Variants in TNNT2 observed in about 807,000 individuals in gnomAD.
The protein encoded by TNNT2 is troponin T2, cardiac type, also known as troponin T, cardiac muscle.
A neutral mutation model predicts 62.4 loss-of-function variants in TNNT2; 34 were observed. The ratio of observed to expected loss-of-function variants is 0.54; its 90% confidence interval spans 0.41 to 0.72. TNNT2 has a LOEUF of 0.72. Among genes scored for constraint, TNNT2 ranks in the 30% least tolerant of loss-of-function variants. TNNT2 has a pLI of 0.00. For synonymous variants in TNNT2, 123 were observed against 127.2 expected, an observed-to-expected ratio of 0.97 and a Z score of 0.22; for missense variants, 275 against 381.9, an observed-to-expected ratio of 0.72 and a Z score of 2.33.
chr1:201,368,302 G>T, intron 5 of TNNT2, 75 bp from the exon 6 acceptor site: 1 of 1,501,172 alleles, frequency 6.7e-7, no homozygotes, highest in Non-Finnish European at 9.2e-7. Flanking sequence ...AGCAGAGAAT[G>T]GGCAGCGGGG....
intron 6 of TNNT2, 49 bp from the exon 7 acceptor site, chr1:201,367,855 T>C (rs765805270): frequency 3.7e-6 from 6 of 1,606,070 alleles, no homozygotes; most frequent in East Asian, 2.2e-5. Flanking sequence ...TGAGCTCAAG[T>C]CCCCCCCTCC....
intron 7 of TNNT2, chr1:201,367,203 C>T: frequency 2.2e-6 from 1 of 463,696 alleles, no homozygotes. Context: ...GGAAAGGTCC[C>T]CAAGGGTCCT....
At chr1:201,369,680 G>A in intron 5 of TNNT2, 136 bp downstream of exon 5, 3 of 1,017,074 alleles carry the variant, frequency 2.9e-6, no homozygotes, top group Non-Finnish European at 4.7e-6. Context: ...GGGAGGCAGG[G>A]GAGGAAACGA....
At chr1:201,373,626 A>T in intron 1 of TNNT2, 1 of 353,382 alleles carries the variant, frequency 2.8e-6, no homozygotes, top group Non-Finnish European at 5.5e-6. Flanking sequence ...GCACTGTACA[A>T]ATCTTCACTG....
At position 201,361,767 on chromosome 1, in the gene TNNT2, C is replaced by A. The variant is rs1658691833; in HGVS notation, c.719+146G>T. ...AGGAGTTGGCCCGACCTGCTGGGGC[C>A]CAGCTCTGGTCCCACCAAACTTGCC... On this transcript the variant is annotated intron_variant, in intron 14 of 16. Coordinates refer to ENST00000656932, the MANE Select transcript of TNNT2 (RefSeq NM_001276345.2). The A allele has an allele frequency of 3.8e-6, 3 of 796,948 alleles. No individual in the cohort carries two copies. The Admixed American group carries it at 5.7e-5, about 15-fold the overall frequency. 49.4% of individuals were successfully genotyped at this position (796,948 alleles called of 1,614,324 possible). A position where few individuals can be genotyped will look rare whatever the true frequency, so the allele number is the denominator to read the frequency against.
rs749454768 is a variant in TNNT2 at position 201,359,258 on chromosome 1, G to A, written c.852-3C>T. On this transcript the variant is annotated splice_polypyrimidine_tract_variant and splice_region_variant and intron_variant, in intron 16 of 16. Transcript: ENST00000656932. Reference sequence around the variant, plus strand: ...TAGCCTTCCCGCGGGTCTTGGAGCTGCAGGGGAAGCAGGACGCAGTGACAT... The same window carrying A: ...TAGCCTTCCCGCGGGTCTTGGAGCTACAGGGGAAGCAGGACGCAGTGACAT... 1 of 1,610,542 alleles carries A rather than the reference G, an allele frequency of 6.2e-7. No homozygotes were observed. The highest frequency in any genetic ancestry group is 8.5e-7 in the Non-Finnish European group (1 of 1,178,928).
At chr1:201,371,632 A>T (rs1220220835) in intron 4 of TNNT2, among the ~76,000 whole-genome samples, 2 of 152,098 alleles carry the variant, frequency 1.3e-5, no homozygotes, top group African/African-American at 4.8e-5. Flanking sequence ...TGGAAGGTGG[A>T]GTATAGAGGA....
At chr1:201,363,782 C>T (rs532344590) in intron 11 of TNNT2, 16 of 324,512 alleles carry the variant, frequency 4.9e-5, no homozygotes, top group African/African-American at 2.1e-4. Context: ...TAAAATAACA[C>T]GTTCATAAGG....
In TNNT2 at chr1:201,365,618, C is replaced by A. The variant is rs1553282768; in HGVS notation, c.286G>T (p.Asp96Tyr). 1.2e-6 allele frequency: 2 copies of A among 1,614,046 alleles called. No homozygotes were observed. The highest frequency in any genetic ancestry group is 1.7e-6 in the Non-Finnish European group (2 of 1,179,974). Residue 96 changes from aspartate to tyrosine, a missense_variant, in exon 9 of 17, where the codon GAC becomes TAC. Asp to Tyr is a radical substitution (Grantham distance 160, BLOSUM62 -3). Transcript: ENST00000656932. ...PPKIPDGERV[D>Y]FDDIHRKRME... ...CCACAGCCACCGCTTACATCAAAGTCCACTCTCTCTCCATCGGGGATCTTG... is the reference window on the plus strand; with the variant it reads ...CCACAGCCACCGCTTACATCAAAGTACACTCTCTCTCCATCGGGGATCTTG...
chr1:201,364,166 G>A, intron 11 of TNNT2, 132 bp downstream of exon 11: 1 of 1,010,162 alleles, frequency 9.9e-7, no homozygotes, highest in African/African-American at 1.6e-5. Context: ...TTACAGGCGT[G>A]AGCCACCGCA....
intron 1 of TNNT2, chr1:201,373,641 A>C: frequency 3.1e-6 from 1 of 322,286 alleles, no homozygotes; most frequent in Non-Finnish European, 6.0e-6. Context: ...TCACTGCACA[A>C]AGCCTCACTG....
chr1:201,372,918 C>A (rs987400249), intron 2 of TNNT2, among the ~76,000 whole-genome samples: 2 of 152,150 alleles, frequency 1.3e-5, no homozygotes, highest in African/African-American at 2.4e-5. Flanking sequence ...TTTCAGGAGA[C>A]CCAACATCTC....
intron 1 of TNNT2, chr1:201,373,677 G>A: frequency 3.7e-6 from 1 of 273,698 alleles, no homozygotes; most frequent in Non-Finnish European, 7.1e-6. Context: ...GGGCTCAAGC[G>A]ATTCTCCCAC....
Position 201,367,754 on chromosome 1 carries a change from T to G in TNNT2, c.199+17A>C. 1 of 1,614,104 alleles carries G rather than the reference T, an allele frequency of 6.2e-7. No homozygotes were observed. Among genetic ancestry groups the G allele is most frequent in the Middle Eastern group, 1.6e-4 (1 of 6,062 alleles). ...GGTTCCTTTGCCTCCCTTGTACCTCTCTCCTGATATCCTTACCTTCAGCCT... is the reference window on the plus strand; with the variant it reads ...GGTTCCTTTGCCTCCCTTGTACCTCGCTCCTGATATCCTTACCTTCAGCCT... On this transcript the variant is annotated intron_variant, in intron 7 of 16. Transcript: ENST00000656932.
At chr1:201,366,206 G>A in intron 8 of TNNT2, 1 of 1,031,016 alleles carries the variant, frequency 9.7e-7, no homozygotes. Context: ...CAGGAAGGGG[G>A]AAGGCACTGG....
chr1:201,359,263 G>A lies in TNNT2; in HGVS notation c.852-8C>T, dbSNP rs755055990. The A allele has an allele frequency of 6.2e-7, 1 of 1,610,548 alleles. No homozygotes were observed. Among genetic ancestry groups the A allele is most frequent in the Non-Finnish European group, 8.5e-7 (1 of 1,178,964 alleles). ...TTCCCGCGGGTCTTGGAGCTGCAGG[G>A]GAAGCAGGACGCAGTGACATGGAGA... is the stretch of plus-strand genomic sequence containing the variant. On this transcript the variant is annotated splice_polypyrimidine_tract_variant and splice_region_variant and intron_variant, in intron 16 of 16. Transcript: ENST00000656932.
chr1:201,368,659 C>T (rs747697834), intron 5 of TNNT2, among the ~76,000 whole-genome samples: 7 of 152,278 alleles, frequency 4.6e-5, no homozygotes, highest in Non-Finnish European at 8.8e-5. Flanking sequence ...TCTGGATCTT[C>T]GTACTATCCA....
chr1:201,365,975 C>T (rs941056920), intron 8 of TNNT2: 46 of 1,265,160 alleles, frequency 3.6e-5, no homozygotes, highest in Non-Finnish European at 4.4e-5. Context: ...TTGCTCAAAG[C>T]CACACAACTT....
intron 5 of TNNT2, chr1:201,369,248 T>C (rs1660204197): frequency 2.1e-6 from 1 of 470,040 alleles, no homozygotes; most frequent in Admixed American, 2.3e-5. Flanking sequence ...GAACGCACTT[T>C]CTAAAATTAA....
Sources: allele counts gnomAD v4.1 joint callset (sites outside exome capture counted in the v4.1 genomes callset), GRCh38; gene constraint gnomAD v4.1.1; transcripts MANE v1.5; gene names NCBI Gene and HGNC (gene_info 2026-07-23, HGNC 2026-07-21).